PTPRN2: variants seen among roughly 807,000 people sequenced by gnomAD.
The protein encoded by PTPRN2 is receptor-type tyrosine-protein phosphatase N2.
PTPRN2 carries 74 observed loss-of-function variants against 118.8 expected under a neutral mutation model. The ratio of observed to expected loss-of-function variants is 0.62; its 90% CI spans 0.52 to 0.76. PTPRN2 has a LOEUF of 0.76. Among genes scored for constraint, PTPRN2 ranks in the 30% least tolerant of loss-of-function variants. The probability of loss-of-function intolerance (pLI) is 0.00; values close to 1 mark genes in which losing one functional copy is unlikely to be tolerated. For missense variants in PTPRN2, 1,481 were observed against 1,394.4 expected (o/e 1.06, Z -0.99); for synonymous variants, 641 against 608.0 (o/e 1.05, Z -0.80).
chr7:158,312,003 A>G (rs1801802188), intron 3 of PTPRN2, among the ~76,000 whole-genome samples: 1 of 152,126 alleles, frequency 6.6e-6, no homozygotes, highest in South Asian at 2.1e-4. Flanking sequence ...ACATGCACAC[A>G]CACCTGCACA....
rs867817742 is a variant in PTPRN2, at chr7:157,964,622, G to A, written c.1724-65885C>T. ...AGCAGGGCCCTTGAGTCTGTCTCAC[G>A]CCATTAACACCCTGTGATGGCCTTA... On this transcript the variant is annotated intron_variant, in intron 11 of 22. Coordinates refer to ENST00000389418, the MANE Select transcript of PTPRN2 (RefSeq NM_002847.5). This position sits in a 1 kb window ranked among gnomAD's most constrained non-coding sequence, Gnocchi z 9.0. 4.7e-4 allele frequency among the ~76,000 whole-genome samples: 71 copies of A among 152,270 alleles called. No homozygotes were observed. The highest frequency in any genetic ancestry group is 1.5e-4 in the Non-Finnish European group (10 of 68,006).
chr7:157,750,415 C>G (rs1469229747), intron 12 of PTPRN2, among the ~76,000 whole-genome samples: 1 of 152,110 alleles, frequency 6.6e-6, no homozygotes, highest in Non-Finnish European at 1.5e-5. Context: ...CAGGAATGTC[C>G]CAGCCTGCTG....
At chr7:158,321,280 C>T (rs896780) in intron 2 of PTPRN2, among the ~76,000 whole-genome samples, 60,765 of 151,894 alleles carry the variant, frequency 0.4, 12,322 homozygotes, top group Middle Eastern at 0.47. Flanking sequence ...CCCTAGAAAC[C>T]ACCCAGAGCC....
intron 12 of PTPRN2, among the ~76,000 whole-genome samples, chr7:157,715,278 A>T (rs796372323): frequency 5.9e-5 from 9 of 152,240 alleles, no homozygotes; most frequent in African/African-American, 2.2e-4. Context: ...AGGCCCAGGG[A>T]GTGTTGGGAG....
chr7:158,438,768 C>T lies in PTPRN2; in HGVS notation c.163+50967G>A, dbSNP rs909717676. ...ACTGATAGTGACTTCCTCAAAGACA[C>T]TCTGACCAGGGGTCAGCAAACCAGA... On this transcript the variant is annotated intron_variant, in intron 2 of 22. Coordinates refer to ENST00000389418, the MANE Select transcript of PTPRN2 (RefSeq NM_002847.5). This position sits in a 1 kb window ranked among gnomAD's most constrained non-coding sequence, Gnocchi z 4.7. 1.3e-5 allele frequency among the ~76,000 whole-genome samples: 2 copies of T among 152,172 alleles called. No homozygotes were observed. The highest frequency in any genetic ancestry group is 4.8e-5 in the African/African-American group (2 of 41,438).
chr7:157,972,715 ACGAGAGCAGGGC>A (rs1802428458), intron 11 of PTPRN2, among the ~76,000 whole-genome samples: 1 of 147,884 alleles, frequency 6.8e-6, no homozygotes, highest in Non-Finnish European at 1.5e-5. Flanking sequence ...ACTCCACACC[ACGAGAGCAGGGC>A]TTCAGAGACC....
intron 2 of PTPRN2, among the ~76,000 whole-genome samples, chr7:158,385,174 T>C (rs1256146395): frequency 6.6e-6 from 1 of 152,218 alleles, no homozygotes; most frequent in South Asian, 2.1e-4. Flanking sequence ...AGAACCTAAA[T>C]GTCTTCTTTG....
intron 1 of PTPRN2, among the ~76,000 whole-genome samples, chr7:158,524,057 AGTC>A (rs1824544063): frequency 3.3e-5 from 3 of 91,130 alleles, no homozygotes; most frequent in African/African-American, 4.9e-5. Context: ...CCTGGAGTGG[AGTC>A]GTCTGCCCTG....
chr7:158,137,892 G>A (rs1818980646), intron 7 of PTPRN2, among the ~76,000 whole-genome samples: 1 of 152,172 alleles, frequency 6.6e-6, no homozygotes, highest in South Asian at 2.1e-4. Flanking sequence ...GCTGCCTTCT[G>A]CTTCCCCAGC....
intron 2 of PTPRN2, among the ~76,000 whole-genome samples, chr7:158,469,712 G>A (rs1334252133): frequency 1.5e-5 from 2 of 136,764 alleles, no homozygotes; most frequent in African/African-American, 5.6e-5. Context: ...TCGTGCCCCA[G>A]CAAGTGAGAG....
intron 1 of PTPRN2, among the ~76,000 whole-genome samples, chr7:158,491,741 C>T (rs1042401665): frequency 6.6e-6 from 1 of 152,170 alleles, no homozygotes; most frequent in African/African-American, 2.4e-5. Flanking sequence ...CCACCTGCCT[C>T]GGCCTCCCAA....
chr7:157,772,029 C>T (rs1802867871), intron 12 of PTPRN2, among the ~76,000 whole-genome samples: 1 of 151,386 alleles, frequency 6.6e-6, no homozygotes, highest in African/African-American at 2.4e-5. Flanking sequence ...CACGCACACA[C>T]AGATGCACAG....
chr7:157,829,736 C>T (rs905833988), intron 12 of PTPRN2, among the ~76,000 whole-genome samples: 2 of 152,212 alleles, frequency 1.3e-5, no homozygotes, highest in Admixed American at 6.5e-5. Context: ...TCCAGAGGGC[C>T]GGGAGAGCAG....
intron 1 of PTPRN2, among the ~76,000 whole-genome samples, chr7:158,501,713 C>T (rs1434149320): frequency 6.6e-6 from 1 of 152,186 alleles, no homozygotes; most frequent in African/African-American, 2.4e-5. Context: ...TCTGTGTAGC[C>T]AGGCAGAAAA....
intron 12 of PTPRN2, among the ~76,000 whole-genome samples, chr7:157,849,167 G>A (rs941816755): frequency 1.6e-4 from 24 of 152,178 alleles, no homozygotes; most frequent in African/African-American, 5.8e-4. Context: ...TGATTCTTCG[G>A]GTTTCCCTCA....
chr7:158,091,616 T>C (rs1194524370), intron 10 of PTPRN2, among the ~76,000 whole-genome samples: 1 of 149,086 alleles, frequency 6.7e-6, no homozygotes, highest in East Asian at 2.0e-4. Flanking sequence ...AGAGAGATGG[T>C]TGGGTGAGTG....
intron 3 of PTPRN2, among the ~76,000 whole-genome samples, chr7:158,314,011 G>T (rs1802086233): frequency 3.3e-5 from 5 of 151,326 alleles, no homozygotes; most frequent in Admixed American, 3.3e-4. Context: ...ACCCAGGCAG[G>T]GCCCCGGAGC....
At chr7:158,109,407 TCACCC>T (rs1816004885) in intron 10 of PTPRN2, among the ~76,000 whole-genome samples, 1 of 150,440 alleles carries the variant, frequency 6.6e-6, no homozygotes, top group Non-Finnish European at 1.5e-5. Context: ...GTGAATGACA[TCACCC>T]CTGTGTGAAG....
intron 13 of PTPRN2, among the ~76,000 whole-genome samples, chr7:157,678,928 TC>T (rs1401608190): frequency 6.6e-6 from 1 of 152,088 alleles, no homozygotes; most frequent in African/African-American, 2.4e-5. Context: ...GAGGAGAATG[TC>T]TTCTAATCAT....
Sources: gnomAD v4.1 joint callset for allele counts (sites outside exome capture counted in the v4.1 genomes callset) on GRCh38, gnomAD v4.1.1 for gene constraint, Gnocchi (gnomAD v3.1) non-coding constraint, MANE v1.5 for transcripts, NCBI Gene and HGNC (gene_info 2026-07-23, HGNC 2026-07-21) for gene names.